APOB: variants seen among roughly 807,000 people sequenced by gnomAD.
APOB encodes the protein apolipoprotein B-100.
In APOB, 153 loss-of-function variants were observed where a neutral mutation model predicts 314.1. That is an observed-to-expected ratio of 0.49 (90% CI 0.43 to 0.56). APOB has a LOEUF of 0.56. Ranked by LOEUF, APOB falls within the 20% of genes least tolerant of loss-of-function variation. The pLI, the probability that APOB is intolerant of heterozygous loss-of-function variation, is 0.00. For synonymous variants in APOB, 2,087 were observed against 2,036.4 expected (o/e 1.02, Z -0.67); for missense variants, 5,430 against 5,350.7 (o/e 1.01, Z -0.46).
At position 21,010,507 on chromosome 2, in the gene APOB, G is replaced by T; in HGVS notation, c.6361C>A (p.Gln2121Lys). Reference protein sequence around the residue: ...YRAALGKLPQQANDYLNSFNW... With the variant: ...YRAALGKLPQKANDYLNSFNW... ...AATGAATTCAGATAATCATTAGCTT[G>T]CTGTGGGAGTTTTCCCAGGGCTGCT... Residue 2121 changes from glutamine to lysine, a missense_variant, in exon 26 of 29, where the codon CAA becomes AAA. By Grantham distance (53) the Gln-to-Lys change is moderately conservative. Around this residue, in one of 3 missense-constraint regions of APOB, gnomAD observed 3,281 missense variants for 3,171.0 expected, o/e 1.03. Coordinates refer to ENST00000233242, the MANE Select transcript of APOB (RefSeq NM_000384.3). The T allele has an allele frequency of 6.2e-7, 1 of 1,609,672 alleles. No homozygotes were observed. The highest frequency in any genetic ancestry group is 8.5e-7 in the Non-Finnish European group (1 of 1,176,704).
At chr2:21,041,603 T>C (rs1664134296) in intron 3 of APOB, among the ~76,000 whole-genome samples, 1 of 152,238 alleles carries the variant, frequency 6.6e-6, no homozygotes, top group African/African-American at 2.4e-5. Context: ...AATAACTTTA[T>C]AGAAATGTTG....
chr2:21,037,556 G>A (rs1457446801), intron 5 of APOB, among the ~76,000 whole-genome samples: 3 of 152,194 alleles, frequency 2.0e-5, no homozygotes, highest in Non-Finnish European at 4.4e-5. Flanking sequence ...GGACTGAGGT[G>A]AAATGAATTC....
rs992472167 is a variant in APOB at position 21,012,112 on chromosome 2, T to G, written c.4756A>C (p.Lys1586Gln). Residue 1586 changes from lysine (K) to glutamine (Q), a missense_variant, in exon 26 of 29, where the codon AAG (lysine) becomes CAG (glutamine). By Grantham distance (53) the Lys-to-Gln change is moderately conservative. Coordinates refer to ENST00000233242, the MANE Select transcript of APOB (RefSeq NM_000384.3). ...TGCTTAGAGAAGGTCATATCCATCT[T>G]GTTAGAAGTGGCAAAGTTCTTATAC... is the stretch of plus-strand genomic sequence containing the variant. ...GKYKNFATSNKMDMTFSKQNA... is the reference protein window; with the variant it reads ...GKYKNFATSNQMDMTFSKQNA... 6.2e-7 allele frequency: 1 copy of G among 1,610,268 alleles called. No individual in the cohort carries two copies. The highest frequency in any genetic ancestry group is 8.5e-7 in the Non-Finnish European group (1 of 1,177,680).
Position 21,019,011 on chromosome 2 carries a change from C to T in APOB, c.3102G>A (p.Lys1034=), listed in dbSNP as rs1663537635. The change falls in exon 20 of 29, where the codon AAG becomes AAA. Residue 1034 remains lysine (K), a synonymous_variant. Transcript: ENST00000233242. ...ACTCACCTTCTGCTTGAGTTACAAA[C>T]TTCAGGGTATCCACCAAGGCTCTGT... ...REDRALVDTL[K]FVTQAEGAKQ... 1 of 1,613,964 alleles carries T rather than the reference C, an allele frequency of 6.2e-7. No individual in the cohort carries two copies. Among genetic ancestry groups the T allele is most frequent in the Non-Finnish European group, 8.5e-7 (1 of 1,179,998 alleles).
chr2:21,032,793 G>C (rs1030219957), intron 9 of APOB, among the ~76,000 whole-genome samples: 42 of 152,260 alleles, frequency 2.8e-4, no homozygotes, highest in Admixed American at 2.6e-3. Context: ...TCCAAGAGGG[G>C]ACTGTGGATC....
In APOB at chr2:21,002,017, G is replaced by A; in HGVS notation, c.13405C>T (p.Leu4469Phe). ...ATTATTTCCTGAGCAGTGGCAGAAA[G>A]CTCTGCAATCTTCTCTTTCCCTTTT... ...DGKGKEKIAE[L>F]SATAQEIIKS... The change falls in exon 29 of 29, where the codon CTT becomes TTT. Residue 4469 changes from leucine (L) to phenylalanine (F), a missense_variant. Leu to Phe is a conservative substitution (Grantham distance 22). Coordinates refer to ENST00000233242, the MANE Select transcript of APOB (RefSeq NM_000384.3). The A allele has an allele frequency of 6.2e-7, 1 of 1,614,012 alleles. No homozygotes were observed. The highest frequency in any genetic ancestry group is 8.5e-7 in the Non-Finnish European group (1 of 1,179,988).
chr2:21,025,972 G>A (rs1442713251), intron 15 of APOB, among the ~76,000 whole-genome samples: 1 of 152,136 alleles, frequency 6.6e-6, no homozygotes, highest in African/African-American at 2.4e-5. Context: ...TGCACTGATG[G>A]GAGTGAGAGC....
chr2:21,041,226 CT>C, intron 3 of APOB, 143 bp from the exon 4 acceptor site: 2 of 815,386 alleles, frequency 2.5e-6, no homozygotes, highest in Non-Finnish European at 4.0e-6. Flanking sequence ...CACCACATGC[CT>C]TATCAACATG....
At chr2:21,035,788 G>A in intron 6 of APOB, 80 bp from the exon 7 acceptor site, 1 of 1,410,284 alleles carries the variant, frequency 7.1e-7, no homozygotes, top group Non-Finnish European at 9.9e-7. Flanking sequence ...AGGTAGAAGG[G>A]AGCAGGAGTC....
chr2:21,035,790 G>A, intron 6 of APOB, 82 bp from the exon 7 acceptor site: 3 of 1,388,352 alleles, frequency 2.2e-6, no homozygotes, highest in Non-Finnish European at 3.0e-6. Flanking sequence ...GTAGAAGGGA[G>A]CAGGAGTCCT....
rs1663407564 is a variant in APOB at position 21,014,139 on chromosome 2, G to A, written c.3842+309C>T. ...TAACAGCAAGCCTGTAGTCAATAAC[G>A]CCTCTAGCCATTCTGAATTCTTCAC... On this transcript the variant is annotated intron_variant, in intron 24 of 28. Coordinates refer to ENST00000233242, the MANE Select transcript of APOB (RefSeq NM_000384.3). Among the ~76,000 whole-genome samples, 3 of 152,150 alleles carry A rather than the reference G, an allele frequency of 2.0e-5. No individual in the cohort carries two copies. The South Asian group carries it at 6.2e-4, about 31-fold the overall frequency.
rs762175207 is a variant in APOB, at chr2:21,008,880, A to G, written c.7988T>C (p.Ile2663Thr). The change falls in exon 26 of 29, where the codon ATT (isoleucine) becomes ACT (threonine). Residue 2663 changes from isoleucine (I) to threonine (T), a missense_variant. Physicochemically the swap from Ile to Thr is moderately conservative, Grantham distance 89 (BLOSUM62 -1). Transcript: ENST00000233242. ...LNTFHIPSFT[I>T]DFVEMKVKII... ...CTTTACTTTCATTTCTACAAAGTCA[A>G]TTGTAAAGGAAGGAATGTGGAAGGT... is the stretch of plus-strand genomic sequence containing the variant. 5 of 1,614,056 alleles carry G rather than the reference A, an allele frequency of 3.1e-6. No homozygotes were observed. Among genetic ancestry groups the G allele is most frequent in the Non-Finnish European group, 4.2e-6 (5 of 1,179,920 alleles).
chr2:21,004,940 T>C (rs1188989862), intron 26 of APOB, 140 bp downstream of exon 26: 3 of 1,177,700 alleles, frequency 2.5e-6, no homozygotes, highest in South Asian at 1.3e-5. Flanking sequence ...GTGTAGGGTA[T>C]ACATGTATCT....
intron 24 of APOB, 114 bp from the exon 25 acceptor site, chr2:21,013,647 C>T (rs1663392566): frequency 6.8e-7 from 1 of 1,475,562 alleles, no homozygotes; most frequent in Non-Finnish European, 9.4e-7. Context: ...AGCCACTCTG[C>T]ACTTTTCTTT....
chr2:21,035,019 G>A (rs1663967139), intron 7 of APOB, 118 bp from the exon 8 acceptor site: 1 of 767,746 alleles, frequency 1.3e-6, no homozygotes, highest in Non-Finnish European at 2.4e-6. Flanking sequence ...CAAAGCATGG[G>A]TAAATCCAGC....
At chr2:21,038,193 C>T in intron 4 of APOB, 82 bp from the exon 5 acceptor site, 2 of 1,471,796 alleles carry the variant, frequency 1.4e-6, no homozygotes, top group Non-Finnish European at 1.9e-6. Context: ...ACTGAAGTTT[C>T]TTTTCTCATA....
In APOB at chr2:21,040,921, T is replaced by A; in HGVS notation, c.383+17A>T. 6.2e-7 allele frequency: 1 copy of A among 1,613,812 alleles called. No homozygotes were observed. On this transcript the variant is annotated intron_variant, in intron 4 of 28. Coordinates refer to ENST00000233242, the MANE Select transcript of APOB (RefSeq NM_000384.3). ...GGACACACACACATGCGTGTGCTCATGTACAACATGACTTACCTGGACATG... is the reference window on the plus strand; with the variant it reads ...GGACACACACACATGCGTGTGCTCAAGTACAACATGACTTACCTGGACATG...
At position 21,022,921 on chromosome 2, in the gene APOB, G is replaced by A. The variant is rs776209966; in HGVS notation, c.2726C>T (p.Ser909Leu). 5.0e-6 allele frequency: 8 copies of A among 1,614,002 alleles called. No individual in the cohort carries two copies. The highest frequency in any genetic ancestry group is 1.6e-4 in the Middle Eastern group (1 of 6,084). The part of the protein sequence containing the change: ...VQMNTNFFHE[S>L]GLEAHVALKA... ...TAGGGCAACATGAGCCTCCAGACCCGACTCGTGGAAGAAGTTGGTGTTCAT... is the reference window on the plus strand; with the variant it reads ...TAGGGCAACATGAGCCTCCAGACCCAACTCGTGGAAGAAGTTGGTGTTCAT... Residue 909 changes from serine (S) to leucine (L), a missense_variant, in exon 18 of 29, where the codon TCG (serine) becomes TTG (leucine). By Grantham distance (145) the Ser-to-Leu change is moderately radical (BLOSUM62 -2). Around this residue, in one of 3 missense-constraint regions of APOB, gnomAD observed 2,085 missense variants for 2,079.7 expected, o/e 1.00. Coordinates refer to ENST00000233242, the MANE Select transcript of APOB (RefSeq NM_000384.3).
chr2:21,032,539 C>T lies in APOB; in HGVS notation c.1167G>A (p.Gln389=). The change falls in exon 10 of 29, where the codon CAG becomes CAA. Residue 389 remains glutamine (Q), a synonymous_variant. Transcript: ENST00000233242. ...LQALVQCGQP[Q]CSTHILQWLK... The stretch of plus-strand genomic sequence containing the variant: ...GCCACTGGAGGATGTGAGTGGAGCA[C>T]TGAGGCTGTCCACACTGAACCAAGG... 1.2e-6 allele frequency: 2 copies of T among 1,614,168 alleles called. No homozygotes were observed. The highest frequency in any genetic ancestry group is 4.5e-5 in the East Asian group (2 of 44,888).
Sources: allele counts gnomAD v4.1 joint callset (sites outside exome capture counted in the v4.1 genomes callset), GRCh38; gene constraint gnomAD v4.1.1; regional missense constraint gnomAD v4.1.1; transcripts MANE v1.5; gene names NCBI Gene and HGNC (gene_info 2026-07-23, HGNC 2026-07-21).